The following PKHD1 variants were observed in gnomAD, a reference collection of about 807,000 sequenced individuals.
PKHD1 encodes the protein PKHD1 ciliary IPT domain containing fibrocystin/polyductin, also known as fibrocystin.
A neutral mutation model predicts 412.0 loss-of-function variants in PKHD1; 291 were observed. The observed-to-expected ratio is 0.71, with a 90% CI of 0.64 to 0.78. PKHD1 has a LOEUF of 0.78. Among genes scored for constraint, PKHD1 ranks in the 30% least tolerant of loss-of-function variants. The pLI is 0.00. For synonymous variants in PKHD1, 1,777 were observed against 1,821.5 expected (o/e 0.98, Z 0.62); for missense variants, 4,825 against 4,950.7 (o/e 0.97, Z 0.76).
At chr6:51,623,339 G>A (rs565884594) in intron 66 of PKHD1, among the ~76,000 whole-genome samples, 7 of 151,772 alleles carry the variant, frequency 4.6e-5, no homozygotes, top group African/African-American at 1.7e-4. Context: ...CATAACACTG[G>A]TTAAGACTTT....
chr6:51,791,318 C>A lies in PKHD1; in HGVS notation c.8358G>T (p.Met2786Ile), dbSNP rs1355753235. 1.4e-5 allele frequency: 22 copies of A among 1,613,144 alleles called. No individual in the cohort carries two copies. The highest frequency in any genetic ancestry group is 1.9e-5 in the Non-Finnish European group (22 of 1,179,250). ...TGTCCACAGGGAAGTCTAAGGTCCC[C>A]ATCACATACAGCCCTTTGAAGAATG... ...DLPFFKGLYV[M>I]GTLDFPVDRS... The change falls in exon 53 of 67, where the codon ATG becomes ATT. Residue 2786 changes from methionine to isoleucine, a missense_variant. Met to Ile is a conservative substitution (Grantham distance 10). Coordinates refer to ENST00000371117, the MANE Select transcript of PKHD1 (RefSeq NM_138694.4).
intron 46 of PKHD1, among the ~76,000 whole-genome samples, chr6:51,874,539 TA>T (rs1375787034): frequency 6.6e-6 from 1 of 152,138 alleles, no homozygotes; most frequent in Non-Finnish European, 1.5e-5. Context: ...TTCCAGAAAG[TA>T]ATGTTTATTT....
At chr6:51,692,014 C>T (rs1301189443) in intron 60 of PKHD1, among the ~76,000 whole-genome samples, 3 of 152,118 alleles carry the variant, frequency 2.0e-5, no homozygotes, top group African/African-American at 7.2e-5. Context: ...CCTTCTTTTC[C>T]ACATTCACTC....
chr6:51,811,938 A>C (rs1303568620), intron 52 of PKHD1, among the ~76,000 whole-genome samples: 4 of 152,184 alleles, frequency 2.6e-5, no homozygotes, highest in Non-Finnish European at 5.9e-5. Flanking sequence ...ATTATGTTTA[A>C]AATTTTTTAA....
At position 51,659,595 on chromosome 6, in the gene PKHD1, C is replaced by T. The variant is rs112030234; in HGVS notation, c.10531G>A (p.Gly3511Arg). ...AGAGTGGGTGGAATAAAACTTTCCC[C>T]TAAGAAGACGTGGGGGCTCTGGAGC... Reference protein sequence around the residue: ...HELQSPHVFLGESFIPPTLVQ... With the variant: ...HELQSPHVFLRESFIPPTLVQ... The change falls in exon 61 of 67, where the codon GGG becomes AGG. Residue 3511 changes from glycine to arginine, a missense_variant. Gly to Arg is a moderately radical substitution (Grantham distance 125). Transcript: ENST00000371117. The T allele has an allele frequency of 9.0e-5, 145 of 1,613,720 alleles. No homozygotes were observed. In the African/African-American group the frequency reaches 1.7e-3, roughly 19 times the overall value.
At chr6:51,967,163 ACACT>A (rs535865259) in intron 35 of PKHD1, among the ~76,000 whole-genome samples, 96 of 152,194 alleles carry the variant, frequency 6.3e-4, no homozygotes, top group Non-Finnish European at 1.1e-3. Context: ...ATCAAGGAAA[ACACT>A]CAGTAACATA....
intron 50 of PKHD1, among the ~76,000 whole-genome samples, chr6:51,837,865 G>A (rs1769514399): frequency 6.6e-6 from 1 of 152,152 alleles, no homozygotes; most frequent in African/African-American, 2.4e-5. Flanking sequence ...TGTAAAGCAT[G>A]AGTTTGTGTC....
intron 65 of PKHD1, among the ~76,000 whole-genome samples, chr6:51,628,801 T>C (rs1286103131): frequency 6.6e-6 from 1 of 152,104 alleles, no homozygotes; most frequent in Non-Finnish European, 1.5e-5. Flanking sequence ...TATTGTATAC[T>C]AGACTTCAAA....
intron 34 of PKHD1, among the ~76,000 whole-genome samples, chr6:52,013,050 A>C (rs1800000513): frequency 6.6e-6 from 1 of 152,158 alleles, no homozygotes. Context: ...CATTGCCAGC[A>C]ATAGGTCCTC....
rs534306049 is a variant in PKHD1, at chr6:51,767,331, T to C, written c.8642+5371A>G. On this transcript the variant is annotated intron_variant, in intron 55 of 66. Transcript: ENST00000371117. Reference sequence around the variant, plus strand: ...TCCCTCAGTATGTTCCTCTTATTCTTTTCTTTTATTTTATTATTATTATAC... The same window carrying C: ...TCCCTCAGTATGTTCCTCTTATTCTCTTCTTTTATTTTATTATTATTATAC... Among the ~76,000 whole-genome samples, 7 of 152,120 alleles carry C rather than the reference T, an allele frequency of 4.6e-5. No individual in the cohort carries two copies. In the East Asian group the frequency reaches 1.4e-3, roughly 29 times the overall value.
chr6:51,931,631 C>T (rs191421381), intron 37 of PKHD1, among the ~76,000 whole-genome samples: 1 of 152,252 alleles, frequency 6.6e-6, no homozygotes, highest in African/African-American at 2.4e-5. Context: ...CTCTTTTCTA[C>T]ATAATATTTG....
intron 35 of PKHD1, among the ~76,000 whole-genome samples, chr6:51,989,865 G>A (rs1164596355): frequency 2.7e-5 from 2 of 74,374 alleles, no homozygotes; most frequent in Non-Finnish European, 5.7e-5. Flanking sequence ...TAGGGGGAGG[G>A]AGGAAACAAG....
intron 60 of PKHD1, among the ~76,000 whole-genome samples, chr6:51,664,013 A>G (rs1179616001): frequency 6.6e-6 from 1 of 152,188 alleles, no homozygotes; most frequent in Non-Finnish European, 1.5e-5. Flanking sequence ...TCATACCTCC[A>G]TTCCTTATGA....
intron 50 of PKHD1, among the ~76,000 whole-genome samples, chr6:51,842,422 T>A (rs916854735): frequency 1.3e-5 from 2 of 152,078 alleles, no homozygotes; most frequent in African/African-American, 4.8e-5. Flanking sequence ...CTTTTACCAA[T>A]ATAAAAGGAC....
At chr6:51,772,198 T>C (rs1228202121) in intron 55 of PKHD1, among the ~76,000 whole-genome samples, 1 of 152,070 alleles carries the variant, frequency 6.6e-6, no homozygotes, top group African/African-American at 2.4e-5. Context: ...TCTTATCCTC[T>C]GTGTTTGGAT....
rs1771299532 is a variant in PKHD1 at position 51,847,083 on chromosome 6, C to A, written c.8107+692G>T. Among the ~76,000 whole-genome samples the A allele has an allele frequency of 2.6e-5, 4 of 152,134 alleles. No homozygotes were observed. The South Asian group carries it at 8.3e-4, about 32-fold the overall frequency. On this transcript the variant is annotated intron_variant, in intron 50 of 66. Transcript: ENST00000371117. ...CAAGCTATCCTCCCACCTCAGCCTC[C>A]CAAGTAACTGAGACTACAGGCATGC...
chr6:51,972,866 C>T (rs1311244406), intron 35 of PKHD1, among the ~76,000 whole-genome samples: 1 of 152,178 alleles, frequency 6.6e-6, no homozygotes, highest in African/African-American at 2.4e-5. Context: ...TTGAATAACA[C>T]ACCAACTACC....
At chr6:51,846,749 C>T (rs1449812693) in intron 50 of PKHD1, among the ~76,000 whole-genome samples, 8 of 152,074 alleles carry the variant, frequency 5.3e-5, no homozygotes, top group South Asian at 2.1e-4. Flanking sequence ...TTAATCTTGA[C>T]GTAAAACAGA....
In PKHD1 at chr6:51,838,117, GT is replaced by G. The variant is rs1769559280; in HGVS notation, c.8108-1649del. Among the ~76,000 whole-genome samples the G allele has an allele frequency of 2.0e-5, 3 of 152,212 alleles. No homozygotes were observed. In the East Asian group the frequency reaches 5.8e-4, roughly 29 times the overall value. On this transcript the variant is annotated intron_variant, in intron 50 of 66. Transcript: ENST00000371117. ...CACGTTGATTTGTGCATTCTCTAAAGTTCTAAAGTACTTCTAAATCCATCCT... is the reference window on the plus strand; with the variant it reads ...CACGTTGATTTGTGCATTCTCTAAAGTCTAAAGTACTTCTAAATCCATCCT...
Sources: gnomAD v4.1 joint callset for allele counts (sites outside exome capture counted in the v4.1 genomes callset) on GRCh38, gnomAD v4.1.1 for gene constraint, MANE v1.5 for transcripts, NCBI Gene and HGNC (gene_info 2026-07-23, HGNC 2026-07-21) for gene names.